RASGEF1A: variants seen among roughly 807,000 people sequenced by gnomAD.
RASGEF1A encodes RasGEF domain family member 1A.
A neutral mutation model predicts 56.4 loss-of-function variants in RASGEF1A; 18 were observed. That is an observed-to-expected ratio of 0.32 (90% confidence interval 0.22 to 0.47). The LOEUF (loss-of-function observed/expected upper bound fraction) is 0.47. Ranked by LOEUF, RASGEF1A falls within the 20% of genes least tolerant of loss-of-function variation. The probability of loss-of-function intolerance (pLI) is 1.00; values close to 1 mark genes in which losing one functional copy is unlikely to be tolerated. For missense variants in RASGEF1A, 422 were observed against 627.1 expected, an observed-to-expected ratio of 0.67 and a Z score of 3.49; for synonymous variants, 245 against 242.6, an observed-to-expected ratio of 1.01 and a Z score of -0.09.
chr10:43,225,700 C>A (rs1269256459), intron 1 of RASGEF1A, among the ~76,000 whole-genome samples: 3 of 152,188 alleles, frequency 2.0e-5, no homozygotes, highest in African/African-American at 7.2e-5. Flanking sequence ...TACCCTGAAG[C>A]CACTTTTCCT....
intron 1 of RASGEF1A, among the ~76,000 whole-genome samples, chr10:43,251,745 C>T (rs529796202): frequency 5.3e-5 from 8 of 152,314 alleles, no homozygotes; most frequent in Admixed American, 1.3e-4. Flanking sequence ...CTCTGGCTCA[C>T]GGGACACCTC....
intron 1 of RASGEF1A, among the ~76,000 whole-genome samples, chr10:43,232,549 T>G (rs769506752): frequency 6.9e-6 from 1 of 145,392 alleles, no homozygotes; most frequent in Non-Finnish European, 1.5e-5. Flanking sequence ...TGCAGTGACA[T>G]GATCTCAGCT....
intron 1 of RASGEF1A, among the ~76,000 whole-genome samples, chr10:43,241,835 A>G (rs1840505154): frequency 1.3e-5 from 2 of 152,158 alleles, no homozygotes; most frequent in East Asian, 1.9e-4. Flanking sequence ...AAGAACACAA[A>G]TAAGTTGAAA....
intron 1 of RASGEF1A, chr10:43,208,835 G>A (rs1840030066): frequency 1.0e-6 from 1 of 985,406 alleles, no homozygotes; most frequent in African/African-American, 1.7e-5. Context: ...AGTGCCAAGT[G>A]GAGAGGCAGG....
chr10:43,220,107 C>G (rs187037744), intron 1 of RASGEF1A, among the ~76,000 whole-genome samples: 3 of 152,210 alleles, frequency 2.0e-5, no homozygotes, highest in Non-Finnish European at 4.4e-5. Context: ...TGCGTCTGTC[C>G]CCTGGCCCTG....
chr10:43,223,927 C>T (rs1478009941), intron 1 of RASGEF1A, among the ~76,000 whole-genome samples: 2 of 152,122 alleles, frequency 1.3e-5, no homozygotes, highest in African/African-American at 4.8e-5. Context: ...GGGAATCTAA[C>T]TCCAGATATG....
At chr10:43,220,486 G>C (rs1006609430) in intron 1 of RASGEF1A, among the ~76,000 whole-genome samples, 5 of 152,166 alleles carry the variant, frequency 3.3e-5, no homozygotes, top group Non-Finnish European at 5.9e-5. Flanking sequence ...CTGGGCAACA[G>C]AGCAAGACCC....
At chr10:43,241,276 T>C (rs1194448688) in intron 1 of RASGEF1A, among the ~76,000 whole-genome samples, 2 of 152,212 alleles carry the variant, frequency 1.3e-5, no homozygotes, top group African/African-American at 4.8e-5. Context: ...TCTATGACCA[T>C]ACTACCCTGA....
intron 1 of RASGEF1A, among the ~76,000 whole-genome samples, chr10:43,252,805 C>T (rs2505510): frequency 0.78 from 119,059 of 151,866 alleles, 46,885 homozygotes; most frequent in East Asian, 0.95. Context: ...CACCCAGTGA[C>T]TGGCTCGCGG....
rs201997834 is a variant in RASGEF1A at position 43,206,143 on chromosome 10, C to T, written c.-6-21G>A. 1.3e-5 allele frequency: 20 copies of T among 1,547,902 alleles called. No individual in the cohort carries two copies. In the Admixed American group the frequency reaches 3.5e-4, roughly 27 times the overall value. ...GTTTCCTGGGAGAAAAGAGCAAGGA[C>T]ATGAGGCATCAAAGGCGCCTCCACA... On this transcript the variant is annotated intron_variant, in intron 1 of 12. Coordinates refer to ENST00000395810, the MANE Select transcript of RASGEF1A (RefSeq NM_145313.4).
chr10:43,232,341 G>A (rs1374495944), intron 1 of RASGEF1A, among the ~76,000 whole-genome samples: 1 of 152,136 alleles, frequency 6.6e-6, no homozygotes, highest in Non-Finnish European at 1.5e-5. Flanking sequence ...TGCCATGTGA[G>A]ACACCTGCTC....
At chr10:43,208,429 C>A in intron 1 of RASGEF1A, 2 of 985,566 alleles carry the variant, frequency 2.0e-6, no homozygotes, top group African/African-American at 1.7e-5. Flanking sequence ...AGTTGAGGAG[C>A]CATCCTGGGG....
At position 43,206,056 on chromosome 10, in the gene RASGEF1A, G is replaced by T. The variant is rs1340726398; in HGVS notation, c.61C>A (p.Gln21Lys). The change falls in exon 2 of 13, where the codon CAG (glutamine) becomes AAG (lysine). Residue 21 changes from glutamine to lysine, a missense_variant. Gln to Lys is a moderately conservative substitution (Grantham distance 53). Around this residue, in one of 2 missense-constraint regions of RASGEF1A, gnomAD observed 273 missense variants for 339.9 expected, o/e 0.80. Coordinates refer to ENST00000395810, the MANE Select transcript of RASGEF1A (RefSeq NM_145313.4). ...CCTCCACGCTCCCCCATGCCAGGCT[G>T]CACCTGTCCGCTACAGCTGGGCCCA... ...ILGPSCSGQV[Q>K]PGMGERGGGA... is the part of the protein sequence containing the mutation. 6.2e-7 allele frequency: 1 copy of T among 1,607,470 alleles called. No individual in the cohort carries two copies. Among genetic ancestry groups the T allele is most frequent in the Non-Finnish European group, 8.5e-7 (1 of 1,177,500 alleles).
chr10:43,266,849 G>T lies in RASGEF1A; in HGVS notation c.-11C>A, dbSNP rs1422223532. 6.9e-6 allele frequency: 1 copy of T among 145,944 alleles called. No homozygotes were observed. The highest frequency in any genetic ancestry group is 1.5e-5 in the Non-Finnish European group (1 of 65,756). The allele number at this position is 145,944 out of a possible 1,614,324, so 9.0% of individuals were successfully genotyped here. ...GGGTCCGCGGCCGCTGCCTACCTCG[G>T]TCCGGGCCAGCGTCGCTCCCGCGCC... On this transcript the variant is annotated 5_prime_UTR_variant, in exon 1 of 13. Transcript: ENST00000395810.
intron 1 of RASGEF1A, among the ~76,000 whole-genome samples, chr10:43,266,612 G>A (rs1024283607): frequency 1.3e-4 from 19 of 149,396 alleles, no homozygotes; most frequent in Admixed American, 6.0e-4. Flanking sequence ...TCCTGGCGCC[G>A]TCCAGCCCGG....
chr10:43,208,234 T>A (rs1490448604), intron 1 of RASGEF1A: 1 of 985,308 alleles, frequency 1.0e-6, no homozygotes, highest in African/African-American at 1.7e-5. Context: ...CTTGGGGTCA[T>A]CAGAGAGGGC....
At chr10:43,211,438 C>G (rs1023021776) in intron 1 of RASGEF1A, among the ~76,000 whole-genome samples, 74 of 152,172 alleles carry the variant, frequency 4.9e-4, no homozygotes, top group African/African-American at 1.7e-3. Context: ...AGAGGCTGAA[C>G]CTAGAGGCCC....
chr10:43,242,980 G>C (rs1840520740), intron 1 of RASGEF1A, among the ~76,000 whole-genome samples: 1 of 152,088 alleles, frequency 6.6e-6, no homozygotes, highest in South Asian at 2.1e-4. Context: ...CAGCGTCTCT[G>C]CCTGGCCGCC....
At position 43,266,854 on chromosome 10, in the gene RASGEF1A, G is replaced by A. The variant is rs1312964978; in HGVS notation, c.-16C>T. 5 of 146,008 alleles carry A rather than the reference G, an allele frequency of 3.4e-5. No individual in the cohort carries two copies. Among genetic ancestry groups the A allele is most frequent in the African/African-American group, 1.2e-4 (5 of 40,752 alleles). 9.0% of individuals were successfully genotyped at this position (146,008 alleles called of 1,614,324 possible). A position where few individuals can be genotyped will look rare whatever the true frequency, so the allele number is the denominator to read the frequency against. ...CGCGGCCGCTGCCTACCTCGGTCCG[G>A]GCCAGCGTCGCTCCCGCGCCGCCCT... On this transcript the variant is annotated 5_prime_UTR_variant, in exon 1 of 13. Coordinates refer to ENST00000395810, the MANE Select transcript of RASGEF1A (RefSeq NM_145313.4).
Sources: allele counts gnomAD v4.1 joint callset (sites outside exome capture counted in the v4.1 genomes callset), GRCh38; gene constraint gnomAD v4.1.1; regional missense constraint gnomAD v4.1.1; transcripts MANE v1.5; gene names NCBI Gene and HGNC (gene_info 2026-07-23, HGNC 2026-07-21).